Variants in ZCCHC2 observed in about 807,000 individuals in gnomAD.
The protein encoded by ZCCHC2 is zinc finger CCHC domain-containing protein 2.
ZCCHC2 carries 39 observed loss-of-function variants against 103.6 expected under a neutral mutation model. That is an observed-to-expected ratio of 0.38 (90% CI 0.29 to 0.49). The LOEUF is 0.49. Ranked by LOEUF, ZCCHC2 falls within the 20% of genes least tolerant of loss-of-function variation. ZCCHC2 has a pLI of 0.96. For missense variants in ZCCHC2, 1,483 were observed against 1,491.0 expected (o/e 0.99, Z 0.09); for synonymous variants, 687 against 608.9 (o/e 1.13, Z -1.89).
intron 11 of ZCCHC2, among the ~76,000 whole-genome samples, chr18:62,566,305 A>T (rs1156393429): frequency 6.6e-6 from 1 of 152,228 alleles, no homozygotes; most frequent in African/African-American, 2.4e-5. Context: ...TCATTGAAGC[A>T]TTGGAAGTGG....
chr18:62,563,896 T>C (rs151115493), intron 9 of ZCCHC2, among the ~76,000 whole-genome samples: 10 of 152,338 alleles, frequency 6.6e-5, no homozygotes, highest in Admixed American at 6.5e-4. Context: ...TCTTAAGATT[T>C]GGGTGTGATC....
intron 6 of ZCCHC2, among the ~76,000 whole-genome samples, chr18:62,556,953 G>C (rs1355710618): frequency 2.0e-5 from 3 of 152,186 alleles, no homozygotes; most frequent in African/African-American, 7.2e-5. Context: ...CCTTCCGGGA[G>C]CTTCCTTCTG....
rs1568531364 is a variant in ZCCHC2, at chr18:62,523,467, G to C, written c.43G>C (p.Glu15Gln). 9.2e-7 allele frequency: 1 copy of C among 1,091,516 alleles called. No individual in the cohort carries two copies. The highest frequency in any genetic ancestry group is 1.7e-5 in the African/African-American group (1 of 58,296). 67.6% of individuals were successfully genotyped at this position (1,091,516 alleles called of 1,614,324 possible). A position where few individuals can be genotyped will look rare whatever the true frequency, so the allele number is the denominator to read the frequency against. ...GCCGCTGAAGCCAACGCACCCCGCG[G>C]AGCCGCCGCCCGAGGCGGAGGAGCC... is the stretch of plus-strand genomic sequence containing the variant. ...KLPLKPTHPA[E>Q]PPPEAEEPEA... Residue 15 changes from glutamate to glutamine, a missense_variant, in exon 1 of 14, where the codon GAG becomes CAG. By Grantham distance (29) the Glu-to-Gln change is conservative (BLOSUM62 2). This residue lies in a region of ZCCHC2 where 568 missense variants were observed against 525.1 expected (regional missense o/e 1.08). Coordinates refer to ENST00000269499, the MANE Select transcript of ZCCHC2 (RefSeq NM_017742.6).
intron 2 of ZCCHC2, among the ~76,000 whole-genome samples, chr18:62,541,854 A>G (rs1915201112): frequency 6.6e-6 from 1 of 152,228 alleles, no homozygotes; most frequent in African/African-American, 2.4e-5. Flanking sequence ...AGTTCAATTC[A>G]GAGTGTTTTA....
chr18:62,547,030 A>T (rs560000988), intron 4 of ZCCHC2, among the ~76,000 whole-genome samples: 1 of 152,058 alleles, frequency 6.6e-6, no homozygotes, highest in African/African-American at 2.4e-5. Context: ...ATCATCTACA[A>T]AAGTTCAGGA....
At chr18:62,533,934 T>C (rs1427744689) in intron 1 of ZCCHC2, among the ~76,000 whole-genome samples, 2 of 152,082 alleles carry the variant, frequency 1.3e-5, no homozygotes, top group African/African-American at 2.4e-5. Flanking sequence ...TTTTGAATTG[T>C]ACTTACCAGT....
Position 62,523,805 on chromosome 18 carries a change from G to A in ZCCHC2, c.381G>A (p.Leu127=), listed in dbSNP as rs1184265817. Residue 127 remains leucine (L), a synonymous_variant, in exon 1 of 14, where the codon CTG becomes CTA. Coordinates refer to ENST00000269499, the MANE Select transcript of ZCCHC2 (RefSeq NM_017742.6). ...TGGACCTGTGCAACCCGCTGGAGCT[G>A]CGCTTCCTTGGCTCGTGCCTGGAGG... is the stretch of plus-strand genomic sequence containing the variant. ...GLLDLCNPLE[L]RFLGSCLEDL... 1.3e-6 allele frequency: 2 copies of A among 1,543,158 alleles called. No homozygotes were observed. The highest frequency in any genetic ancestry group is 4.9e-5 in the East Asian group (2 of 40,616).
chr18:62,542,600 A>C, intron 3 of ZCCHC2, 26 bp downstream of exon 3: 1 of 1,538,724 alleles, frequency 6.5e-7, no homozygotes, highest in South Asian at 1.2e-5. Flanking sequence ...CACAAAAGAT[A>C]CCTCACGTGC....
chr18:62,574,423 A>G lies in ZCCHC2; in HGVS notation c.2342A>G (p.Glu781Gly), dbSNP rs1916724212. Reference protein sequence around the residue: ...GILGPTACTGESEKHLELLAS... With the variant: ...GILGPTACTGGSEKHLELLAS... Reference sequence around the variant, plus strand: ...CTAGGGCCAACAGCTTGCACTGGAGAATCGGAAAAGCACCTTGAGTTACTG... The same window carrying G: ...CTAGGGCCAACAGCTTGCACTGGAGGATCGGAAAAGCACCTTGAGTTACTG... The change falls in exon 13 of 14, where the codon GAA (glutamate) becomes GGA (glycine). Residue 781 changes from glutamate (E) to glycine (G), a missense_variant. Physicochemically the swap from Glu to Gly is moderately conservative, Grantham distance 98 (BLOSUM62 -2). Around this residue, in one of 3 missense-constraint regions of ZCCHC2, gnomAD observed 884 missense variants for 907.5 expected, o/e 0.97. Transcript: ENST00000269499. The G allele has an allele frequency of 1.9e-6, 3 of 1,613,912 alleles. No individual in the cohort carries two copies. Among genetic ancestry groups the G allele is most frequent in the African/African-American group, 2.7e-5 (2 of 74,938 alleles).
At chr18:62,573,394 T>C (rs1458865156) in intron 12 of ZCCHC2, among the ~76,000 whole-genome samples, 2 of 152,162 alleles carry the variant, frequency 1.3e-5, no homozygotes, top group Non-Finnish European at 2.9e-5. Context: ...GCCGATGCAG[T>C]GTTGTTTGTA....
At chr18:62,583,675 C>T (rs1172930866) in intron 14 of ZCCHC2, among the ~76,000 whole-genome samples, 2 of 151,914 alleles carry the variant, frequency 1.3e-5, no homozygotes, top group Non-Finnish European at 2.9e-5. Flanking sequence ...TGACCCCCCC[C>T]TCCACCCAAC....
downstream of ZCCHC2, among the ~76,000 whole-genome samples, chr18:62,580,002 A>ATT (rs36051569): frequency 0.35 from 53,780 of 151,988 alleles, 9,950 homozygotes; most frequent in East Asian, 0.75. Context: ...AAGTGCTGAG[A>ATT]TTACAGGCGT....
At chr18:62,564,765 G>A in intron 10 of ZCCHC2, 130 bp downstream of exon 10, 2 of 796,918 alleles carry the variant, frequency 2.5e-6, no homozygotes, top group Non-Finnish European at 1.9e-6. Context: ...TTACTCTTTT[G>A]GTTCAAAATA....
intron 2 of ZCCHC2, among the ~76,000 whole-genome samples, chr18:62,540,823 TG>T (rs960471176): frequency 1.3e-5 from 2 of 152,146 alleles, no homozygotes; most frequent in African/African-American, 4.8e-5. Flanking sequence ...TTATGAGGGT[TG>T]GGGGTACTTT....
chr18:62,548,262 AT>A lies in ZCCHC2; in HGVS notation c.1201-2078del, dbSNP rs200228854. On this transcript the variant is annotated intron_variant, in intron 4 of 13. Transcript: ENST00000269499. ...GATTTAAAACTGTATATATATATAT[AT>A]TTTTTTTAGCAAATGAGTCTTTCTT... Among the ~76,000 whole-genome samples the A allele has an allele frequency of 9.2e-5, 14 of 151,724 alleles. 1 individual carries two copies. Among genetic ancestry groups the A allele is most frequent in the Admixed American group, 5.9e-4 (9 of 15,178 alleles).
chr18:62,529,012 T>C (rs555886085), intron 1 of ZCCHC2, among the ~76,000 whole-genome samples: 4 of 151,962 alleles, frequency 2.6e-5, no homozygotes, highest in South Asian at 2.1e-4. Context: ...ATATAAAAAT[T>C]AGCTGGGCGT....
At chr18:62,546,162 C>T (rs1915397141) in intron 4 of ZCCHC2, among the ~76,000 whole-genome samples, 1 of 152,182 alleles carries the variant, frequency 6.6e-6, no homozygotes, top group South Asian at 2.1e-4. Context: ...TGTGACATGT[C>T]AGCTCTGGAC....
At chr18:62,536,832 A>G (rs1914949590) in intron 1 of ZCCHC2, among the ~76,000 whole-genome samples, 1 of 152,236 alleles carries the variant, frequency 6.6e-6, no homozygotes, top group Non-Finnish European at 1.5e-5. Context: ...TCCCTAGGTT[A>G]TTAAACAGGA....
chr18:62,536,492 A>G (rs1598933603), intron 1 of ZCCHC2, among the ~76,000 whole-genome samples: 2 of 152,214 alleles, frequency 1.3e-5, no homozygotes, highest in South Asian at 4.1e-4. Context: ...AACTTAACAG[A>G]TAAAGTGGGT....
Sources: allele counts gnomAD v4.1 joint callset (sites outside exome capture counted in the v4.1 genomes callset), GRCh38; gene constraint gnomAD v4.1.1; regional missense constraint gnomAD v4.1.1; transcripts MANE v1.5; gene names NCBI Gene and HGNC (gene_info 2026-07-23, HGNC 2026-07-21).